EYS: variants seen among roughly 807,000 people sequenced by gnomAD.
EYS encodes the protein protein eyes shut homolog.
Under a neutral mutation model 282.1 loss-of-function variants are expected in EYS, and 250 were observed. The observed-to-expected ratio is 0.89, with a 90% CI of 0.80 to 0.98. EYS has a LOEUF of 0.98. Among genes scored for constraint, EYS ranks in the 50% least tolerant of loss-of-function variants. The pLI is 0.00. For synonymous variants in EYS, 1,355 were observed against 1,282.9 expected (o/e 1.06, Z -1.20); for missense variants, 4,016 against 3,709.0 (o/e 1.08, Z -2.15).
At chr6:63,834,457 C>A (rs1435761179) in intron 36 of EYS, among the ~76,000 whole-genome samples, 1 of 152,114 alleles carries the variant, frequency 6.6e-6, no homozygotes, top group Non-Finnish European at 1.5e-5. Flanking sequence ...AAAAAATGCT[C>A]ATCATCACTG....
At chr6:65,700,529 T>C (rs1045390659) in intron 1 of EYS, among the ~76,000 whole-genome samples, 8 of 152,218 alleles carry the variant, frequency 5.3e-5, no homozygotes, top group East Asian at 3.9e-4. Flanking sequence ...ATGGTAGTAT[T>C]GATCTAAATG....
intron 22 of EYS, among the ~76,000 whole-genome samples, chr6:64,657,161 A>G (rs983922846): frequency 5.9e-5 from 9 of 152,104 alleles, no homozygotes; most frequent in East Asian, 1.9e-4. Flanking sequence ...GTTTTATCAG[A>G]GACTAGGATT....
intron 12 of EYS, among the ~76,000 whole-genome samples, chr6:65,213,116 G>A (rs1408773650): frequency 6.6e-6 from 1 of 151,910 alleles, no homozygotes; most frequent in Non-Finnish European, 1.5e-5. Flanking sequence ...AACAAAATTA[G>A]CATATATTTG....
intron 26 of EYS, among the ~76,000 whole-genome samples, chr6:64,527,628 G>C (rs1198048503): frequency 6.6e-6 from 1 of 151,604 alleles, no homozygotes; most frequent in African/African-American, 2.4e-5. Flanking sequence ...CGAAATAAAT[G>C]CTTAGGGTAA....
intron 5 of EYS, among the ~76,000 whole-genome samples, chr6:65,410,359 A>T (rs1766935714): frequency 6.6e-6 from 1 of 152,088 alleles, no homozygotes; most frequent in African/African-American, 2.4e-5. Context: ...TAGTTAGTAT[A>T]TCTATCACCT....
chr6:64,770,186 G>A lies in EYS; in HGVS notation c.3443+43192C>T, dbSNP rs1773481218. Among the ~76,000 whole-genome samples the A allele has an allele frequency of 3.3e-5, 5 of 151,908 alleles. No individual in the cohort carries two copies. In the South Asian group the frequency reaches 1.0e-3, roughly 31 times the overall value. On this transcript the variant is annotated intron_variant, in intron 22 of 42. Coordinates refer to ENST00000503581, the MANE Select transcript of EYS (RefSeq NM_001142800.2). ...AGTTTGAGAGATTGTTTTGAGACCAGTCCCTATTAATACTTTCTTTTGACT... is the reference window on the plus strand; with the variant it reads ...AGTTTGAGAGATTGTTTTGAGACCAATCCCTATTAATACTTTCTTTTGACT...
At chr6:65,393,144 G>A (rs987619011) in intron 7 of EYS, among the ~76,000 whole-genome samples, 227 of 151,502 alleles carry the variant, frequency 1.5e-3, no homozygotes, top group African/African-American at 5.2e-3. Flanking sequence ...GACACAGGAA[G>A]GGGAACATCA....
rs570558745 is a variant in EYS, at chr6:63,837,806, T to A, written c.7228+26380A>T. Among the ~76,000 whole-genome samples the A allele has an allele frequency of 4.6e-5, 7 of 152,290 alleles. No homozygotes were observed. The East Asian group carries it at 9.6e-4, about 21-fold the overall frequency. ...CTTGTCAACATCAATATCAAGATTA[T>A]ATTCCCCTCACAAAAGAGGTTGAGA... On this transcript the variant is annotated intron_variant, in intron 36 of 42. Transcript: ENST00000503581.
chr6:64,289,098 G>A (rs1031636550), intron 30 of EYS, among the ~76,000 whole-genome samples: 3 of 151,864 alleles, frequency 2.0e-5, no homozygotes, highest in Middle Eastern at 3.2e-3. Context: ...AACCCATCAC[G>A]CCTTCATTAT....
chr6:63,901,260 C>T (rs1013929848), intron 35 of EYS, among the ~76,000 whole-genome samples: 1 of 152,060 alleles, frequency 6.6e-6, no homozygotes, highest in Non-Finnish European at 1.5e-5. Context: ...CACCAGAGGG[C>T]TTCAACAGAA....
intron 31 of EYS, among the ~76,000 whole-genome samples, chr6:64,112,657 C>T (rs1218000263): frequency 1.3e-5 from 2 of 151,226 alleles, no homozygotes; most frequent in Non-Finnish European, 3.0e-5. Context: ...GTTCTTTTCA[C>T]ATTCAAATGG....
At chr6:64,864,420 T>C (rs1011648560) in intron 19 of EYS, among the ~76,000 whole-genome samples, 1 of 141,774 alleles carries the variant, frequency 7.1e-6, no homozygotes, top group Non-Finnish European at 1.5e-5. Context: ...AGAATCTTGC[T>C]CTGTCACCAG....
chr6:65,686,426 G>C (rs921312196), intron 1 of EYS, among the ~76,000 whole-genome samples: 4 of 151,994 alleles, frequency 2.6e-5, no homozygotes, highest in African/African-American at 9.7e-5. Flanking sequence ...TGCTCCAATG[G>C]CTCCTTGATC....
At chr6:65,111,084 C>T (rs764827283) in intron 12 of EYS, among the ~76,000 whole-genome samples, 26 of 151,204 alleles carry the variant, frequency 1.7e-4, no homozygotes, top group Non-Finnish European at 3.4e-4. Flanking sequence ...AAAATATTAA[C>T]GAAATAAGAC....
At chr6:64,297,797 G>C (rs1208283588) in intron 30 of EYS, among the ~76,000 whole-genome samples, 1 of 151,940 alleles carries the variant, frequency 6.6e-6, no homozygotes, top group Non-Finnish European at 1.5e-5. Context: ...GGCCAACATT[G>C]TGAAACACCA....
At position 63,960,077 on chromosome 6, in the gene EYS, G is replaced by A. The variant is rs535762149; in HGVS notation, c.7055+24306C>T. On this transcript the variant is annotated intron_variant, in intron 35 of 42. Transcript: ENST00000503581. ...TGTAAGGCTATAACTGCCATAGGTA[G>A]TGATTCCTTTGATGGATCTAGGAAA... is the stretch of plus-strand genomic sequence containing the variant. 6.6e-5 allele frequency among the ~76,000 whole-genome samples: 10 copies of A among 151,986 alleles called. No individual in the cohort carries two copies. The South Asian group carries it at 1.9e-3, about 28-fold the overall frequency.
At chr6:64,632,592 T>C (rs1767821529) in intron 22 of EYS, among the ~76,000 whole-genome samples, 1 of 1,642 alleles carries the variant, frequency 6.1e-4, no homozygotes, top group Non-Finnish European at 0.01. Context: ...TCCTGGATGA[T>C]ATACCAGAAT....
At chr6:64,699,066 C>A (rs1466857930) in intron 22 of EYS, among the ~76,000 whole-genome samples, 1 of 152,026 alleles carries the variant, frequency 6.6e-6, no homozygotes, top group Admixed American at 6.6e-5. Flanking sequence ...AAAGATTAAT[C>A]AACTTAAATG....
chr6:64,022,123 C>T (rs1376062576), intron 33 of EYS, among the ~76,000 whole-genome samples: 2 of 152,138 alleles, frequency 1.3e-5, no homozygotes, highest in Non-Finnish European at 2.9e-5. Context: ...GCCAAATAAG[C>T]ACATTTGTGC....
Sources: gnomAD v4.1 joint callset for allele counts (sites outside exome capture counted in the v4.1 genomes callset) on GRCh38, gnomAD v4.1.1 for gene constraint, MANE v1.5 for transcripts, NCBI Gene and HGNC (gene_info 2026-07-23, HGNC 2026-07-21) for gene names.